SF3A2: variants seen among roughly 807,000 people sequenced by gnomAD.
The protein encoded by SF3A2 is splicing factor 3a subunit 2, also known as SAP 62.
A neutral mutation model predicts 31.1 loss-of-function variants in SF3A2; 5 were observed. The ratio of observed to expected loss-of-function variants is 0.16; its 90% CI spans 0.08 to 0.34. The LOEUF (loss-of-function observed/expected upper bound fraction) is 0.34. SF3A2 is among the 10% of genes least tolerant of loss of function. SF3A2 has a pLI of 1.00. For missense variants in SF3A2, 577 were observed against 643.9 expected, an observed-to-expected ratio of 0.90 and a Z score of 1.13; for synonymous variants, 365 against 263.7, an observed-to-expected ratio of 1.38 and a Z score of -3.72.
In SF3A2 at chr19:2,245,897, T is replaced by G. The variant is rs12462113; in HGVS notation, c.355+342T>G. On this transcript the variant is annotated intron_variant, in intron 5 of 8. Transcript: ENST00000221494. The surrounding 1 kb of genome is among the most constrained non-coding windows in gnomAD (Gnocchi z 4.2). ...CCTGGCACATCCCTCCGGTTAACCT[T>G]GAAGCCTTTGAAGGAGGACAGGGAG... The G allele has an allele frequency of 9.7e-6, 3 of 309,576 alleles. No homozygotes were observed. The Admixed American group carries it at 1.3e-4, about 14-fold the overall frequency. The allele number at this position is 309,576 out of a possible 1,614,324, so 19.2% of individuals were successfully genotyped here. A position where few individuals can be genotyped will look rare whatever the true frequency, so the allele number is the denominator to read the frequency against.
chr19:2,245,913 G>A lies in SF3A2; in HGVS notation c.355+358G>A. 3.6e-6 allele frequency: 1 copy of A among 276,720 alleles called. No individual in the cohort carries two copies. The highest frequency in any genetic ancestry group is 6.9e-6 in the Non-Finnish European group (1 of 144,000). 17.1% of individuals were successfully genotyped at this position (276,720 alleles called of 1,614,324 possible). ...GGTTAACCTTGAAGCCTTTGAAGGA[G>A]GACAGGGAGAAGCGGCTGTTAGAGG... On this transcript the variant is annotated intron_variant, in intron 5 of 8. Transcript: ENST00000221494. This position sits in a 1 kb window ranked among gnomAD's most constrained non-coding sequence, Gnocchi z 4.2.
At chr19:2,239,107 G>C (rs889102834) in intron 1 of SF3A2, among the ~76,000 whole-genome samples, 1 of 152,248 alleles carries the variant, frequency 6.6e-6, no homozygotes, top group Non-Finnish European at 1.5e-5. Flanking sequence ...GCTCACGCCT[G>C]TAATCCCAGC....
chr19:2,244,995 G>C (rs1268478894), intron 4 of SF3A2: 5 of 582,056 alleles, frequency 8.6e-6, no homozygotes, highest in Non-Finnish European at 1.2e-5. Flanking sequence ...GACCAGCCTG[G>C]CCAACATTGT....
intron 2 of SF3A2, among the ~76,000 whole-genome samples, chr19:2,243,851 A>T (rs1312313532): frequency 1.3e-5 from 2 of 152,230 alleles, no homozygotes; most frequent in Non-Finnish European, 2.9e-5. Context: ...GGTGAAGGGC[A>T]GCCTTTGATT....
intron 1 of SF3A2, among the ~76,000 whole-genome samples, chr19:2,241,424 A>G (rs1295541645): frequency 1.3e-5 from 2 of 152,210 alleles, no homozygotes; most frequent in Non-Finnish European, 2.9e-5. Flanking sequence ...CTCCCCACGC[A>G]CGTCCCCTGA....
Position 2,248,164 on chromosome 19 carries a change from C to CTCCAGCCCCCGGAGTCCACCA in SF3A2, c.1025_1026insAGTCCACCATCCAGCCCCCGG (p.His344_Pro345insHisProAlaProGlyValHis). The CTCCAGCCCCCGGAGTCCACCA allele has an allele frequency of 6.7e-7, 1 of 1,483,114 alleles. No individual in the cohort carries two copies. The highest frequency in any genetic ancestry group is 9.1e-7 in the Non-Finnish European group (1 of 1,095,800). The allele number at this position is 1,483,114 out of a possible 1,614,324, so 91.9% of individuals were successfully genotyped here. On this transcript the variant is annotated inframe_insertion, in exon 9 of 9. Transcript: ENST00000221494. ...CACCCCCCAGCTCCTGGAGTCCACC[C>CTCCAGCCCCCGGAGTCCACCA]TCCAGCCCCCGGGGTTCACCCACCA...
Position 2,243,367 on chromosome 19 carries a change from T to C in SF3A2, c.-37-15T>C. ...TTCTGAGCCATCTTCCTCACTCTCC[T>C]CTTGGCCTCCACAGGTGTCTCCCAG... On this transcript the variant is annotated splice_polypyrimidine_tract_variant and intron_variant, in intron 1 of 8. Transcript: ENST00000221494. The C allele has an allele frequency of 6.8e-7, 1 of 1,477,528 alleles. No homozygotes were observed. 91.5% of individuals were successfully genotyped at this position (1,477,528 alleles called of 1,614,324 possible).
At chr19:2,237,020 G>C (rs2024829290) in intron 1 of SF3A2, 119 bp downstream of exon 1, 1 of 151,574 alleles carries the variant, frequency 6.6e-6, no homozygotes, top group Non-Finnish European at 1.5e-5. Flanking sequence ...GGGCGGCGGC[G>C]TCGCTCCCCT....
At chr19:2,239,988 C>T (rs1393332662) in intron 1 of SF3A2, among the ~76,000 whole-genome samples, 3 of 152,222 alleles carry the variant, frequency 2.0e-5, no homozygotes, top group Non-Finnish European at 4.4e-5. Flanking sequence ...TCTTTGTTCT[C>T]GGATGCGTGT....
At chr19:2,244,211 G>A (rs2024913291) in intron 2 of SF3A2, among the ~76,000 whole-genome samples, 1 of 152,126 alleles carries the variant, frequency 6.6e-6, no homozygotes, top group Admixed American at 6.5e-5. Flanking sequence ...GGCAGTGGAC[G>A]GCTCCCTGCC....
At chr19:2,242,487 A>G (rs1599652041) in intron 1 of SF3A2, among the ~76,000 whole-genome samples, 2 of 152,084 alleles carry the variant, frequency 1.3e-5, no homozygotes, top group Non-Finnish European at 2.9e-5. Flanking sequence ...ACCCAGGATC[A>G]CCTGCCATTT....
At position 2,244,190 on chromosome 19, in the gene SF3A2, G is replaced by C. The variant is rs145094181; in HGVS notation, c.127-354G>C. Among the ~76,000 whole-genome samples, 833 of 150,976 alleles carry C rather than the reference G, an allele frequency of 5.5e-3. 4 individuals carry two copies. The highest frequency in any genetic ancestry group is 8.9e-3 in the Non-Finnish European group (605 of 67,980). ...TGTCTGCCTTGTGCCTACTGCTGGC[G>C]TGGTGGCGTGGGCAGTGGACGGCTC... On this transcript the variant is annotated intron_variant, in intron 2 of 8. Coordinates refer to ENST00000221494, the MANE Select transcript of SF3A2 (RefSeq NM_007165.5).
chr19:2,243,418 C>A lies in SF3A2; in HGVS notation c.-1C>A, dbSNP rs749751875. 1.8e-5 allele frequency: 27 copies of A among 1,542,198 alleles called. No homozygotes were observed. The highest frequency in any genetic ancestry group is 2.6e-6 in the Non-Finnish European group (3 of 1,150,942). On this transcript the variant is annotated 5_prime_UTR_variant, in exon 2 of 9. Transcript: ENST00000221494. ...TCTGCTAAAGCCCTAAGGCCATCAC[C>A]ATGGACTTCCAGCATCGCCCCGGGG...
Position 2,245,938 on chromosome 19 carries a change from G to A in SF3A2, c.355+383G>A. On this transcript the variant is annotated intron_variant, in intron 5 of 8. Coordinates refer to ENST00000221494, the MANE Select transcript of SF3A2 (RefSeq NM_007165.5). The surrounding 1 kb of genome is among the most constrained non-coding windows in gnomAD (Gnocchi z 4.2). ...GGACAGGGAGAAGCGGCTGTTAGAGGCAGCTCCTCCCGGACCCTCAGCAGT... is the reference window on the plus strand; with the variant it reads ...GGACAGGGAGAAGCGGCTGTTAGAGACAGCTCCTCCCGGACCCTCAGCAGT... 1 of 245,488 alleles carries A rather than the reference G, an allele frequency of 4.1e-6. No homozygotes were observed. The highest frequency in any genetic ancestry group is 5.6e-5 in the South Asian group (1 of 17,760). The allele number at this position is 245,488 out of a possible 1,614,324, so 15.2% of individuals were successfully genotyped here.
At chr19:2,241,781 T>C (rs527319720) in intron 1 of SF3A2, among the ~76,000 whole-genome samples, 1 of 152,240 alleles carries the variant, frequency 6.6e-6, no homozygotes, top group African/African-American at 2.4e-5. Context: ...CACACTGGAA[T>C]GTTCTTTGTT....
chr19:2,244,413 C>A, intron 2 of SF3A2, 131 bp from the exon 3 acceptor site: 1 of 707,498 alleles, frequency 1.4e-6, no homozygotes, highest in Non-Finnish European at 2.4e-6. Context: ...CCACTGTCAG[C>A]GGTAGCCATG....
At chr19:2,244,710 T>C (rs1012066794) in intron 3 of SF3A2, 23 bp from the exon 4 acceptor site, 80 of 1,613,888 alleles carry the variant, frequency 5.0e-5, no homozygotes, top group Non-Finnish European at 6.4e-5. Context: ...CCTCGAGTCA[T>C]GCGTGTTTCC....
In SF3A2 at chr19:2,248,011, TC is replaced by T; in HGVS notation, c.862del (p.His288ThrfsTer158). 1.1e-6 allele frequency: 1 copy of T among 895,668 alleles called. No homozygotes were observed. Among genetic ancestry groups the T allele is most frequent in the South Asian group, 1.4e-5 (1 of 70,454 alleles). The allele number at this position is 895,668 out of a possible 1,614,324, so 55.5% of individuals were successfully genotyped here. Reference sequence around the variant, plus strand: ...CAGCTACCCCCGCCAGCTCCAGGGGTCCACCCCCCGGCCCCAGTGGTGCATC... The same window carrying T: ...CAGCTACCCCCGCCAGCTCCAGGGGTCACCCCCCGGCCCCAGTGGTGCATC... Reference protein sequence around the residue: ...PPQLPPPAPGVHPPAPVVHPP... With the variant: ...PPQLPPPAPGXHPPAPVVHPP... On this transcript the variant is annotated frameshift_variant, in exon 9 of 9. Coordinates refer to ENST00000221494, the MANE Select transcript of SF3A2 (RefSeq NM_007165.5). LOFTEE classifies it low-confidence loss of function (END_TRUNC).
At position 2,245,614 on chromosome 19, in the gene SF3A2, T is replaced by C; in HGVS notation, c.355+59T>C. 1.6e-6 allele frequency: 2 copies of C among 1,257,230 alleles called. No individual in the cohort carries two copies. Among genetic ancestry groups the C allele is most frequent in the Non-Finnish European group, 2.3e-6 (2 of 879,204 alleles). The allele number at this position is 1,257,230 out of a possible 1,614,324, so 77.9% of individuals were successfully genotyped here. ...GCTGCCGTGACATAAGTGTGTTCTT[T>C]AGTCTCCAGTGCGGGAGGTGCAGCC... On this transcript the variant is annotated intron_variant, in intron 5 of 8. Transcript: ENST00000221494. This position sits in a 1 kb window ranked among gnomAD's most constrained non-coding sequence, Gnocchi z 4.2.
Sources: gnomAD v4.1 joint callset for allele counts (sites outside exome capture counted in the v4.1 genomes callset) on GRCh38, gnomAD v4.1.1 for gene constraint, Gnocchi (gnomAD v3.1) non-coding constraint, MANE v1.5 for transcripts, NCBI Gene and HGNC (gene_info 2026-07-23, HGNC 2026-07-21) for gene names.